PAPPA2: variants seen among roughly 807,000 people sequenced by gnomAD.
PAPPA2 encodes pappalysin-2.
PAPPA2 carries 86 observed loss-of-function variants against 176.4 expected under a neutral mutation model. That is an observed-to-expected ratio of 0.49 (90% confidence interval 0.41 to 0.58). The LOEUF (loss-of-function observed/expected upper bound fraction) is 0.58, where lower values mean the gene tolerates loss of function less well. Among genes scored for constraint, PAPPA2 ranks in the 20% least tolerant of loss-of-function variants. The pLI, the probability that PAPPA2 is intolerant of heterozygous loss-of-function variation, is 0.00. For missense variants in PAPPA2, 2,073 were observed against 2,256.9 expected (o/e 0.92, Z 1.65); for synonymous variants, 809 against 852.2 (o/e 0.95, Z 0.88).
At position 176,493,230 on chromosome 1, in the gene PAPPA2, C is replaced by G. The variant is rs1019958638; in HGVS notation, c.-917+29812C>G. On this transcript the variant is annotated intron_variant, in intron 1 of 22. Coordinates refer to ENST00000367662, the MANE Select transcript of PAPPA2 (RefSeq NM_020318.3). ...TGAAGTAGAGTGAGGGCAGTGATCT[C>G]TTGCTCTTTCCTACTCTGCACCCCT... Among the ~76,000 whole-genome samples, 7 of 152,316 alleles carry G rather than the reference C, an allele frequency of 4.6e-5. No individual in the cohort carries two copies. The East Asian group carries it at 1.3e-3, about 29-fold the overall frequency.
rs1228165708 is a variant in PAPPA2, at chr1:176,464,216, A to G, written c.-917+798A>G. Among the ~76,000 whole-genome samples, 3 of 152,332 alleles carry G rather than the reference A, an allele frequency of 2.0e-5. No individual in the cohort carries two copies. In the East Asian group the frequency reaches 5.8e-4, roughly 29 times the overall value. On this transcript the variant is annotated intron_variant, in intron 1 of 22. Coordinates refer to ENST00000367662, the MANE Select transcript of PAPPA2 (RefSeq NM_020318.3). ...TATGCCTATGACCTCATACTCTCCCATAATTTCTTCTTCTTCTTTTAAAAA... is the reference window on the plus strand; with the variant it reads ...TATGCCTATGACCTCATACTCTCCCGTAATTTCTTCTTCTTCTTTTAAAAA...
intron 9 of PAPPA2, among the ~76,000 whole-genome samples, chr1:176,704,729 A>G (rs1660803983): frequency 6.6e-6 from 1 of 152,228 alleles, no homozygotes; most frequent in Non-Finnish European, 1.5e-5. Flanking sequence ...CTAAATACAG[A>G]TCAAATAGTT....
intron 1 of PAPPA2, among the ~76,000 whole-genome samples, chr1:176,480,182 G>A (rs1441180658): frequency 6.6e-6 from 1 of 152,168 alleles, no homozygotes; most frequent in East Asian, 1.9e-4. Context: ...CTCTCGACCT[G>A]TAACTGGGCC....
chr1:176,558,159 C>G (rs1259878574), intron 2 of PAPPA2, among the ~76,000 whole-genome samples: 2 of 152,092 alleles, frequency 1.3e-5, no homozygotes, highest in Non-Finnish European at 2.9e-5. Context: ...TTTGAATTCC[C>G]CATGACAGAA....
chr1:176,623,735 T>TC (rs1165413296), intron 3 of PAPPA2, among the ~76,000 whole-genome samples: 1 of 129,976 alleles, frequency 7.7e-6, no homozygotes, highest in East Asian at 2.2e-4. Context: ...TCTCTTTCTT[T>TC]CTTTCTCTCT....
rs944408175 is a variant in PAPPA2 at position 176,577,840 on chromosome 1, G to A, written c.920-16684G>A. On this transcript the variant is annotated intron_variant, in intron 2 of 22. Transcript: ENST00000367662. ...TGATTTATGGTCATGACCTAACCTG[G>A]CCCTGTTTTTGCTCATTTTCCTCCT... Among the ~76,000 whole-genome samples, 9 of 152,026 alleles carry A rather than the reference G, an allele frequency of 5.9e-5. No individual in the cohort carries two copies. In the East Asian group the frequency reaches 1.4e-3, roughly 23 times the overall value.
intron 2 of PAPPA2, among the ~76,000 whole-genome samples, chr1:176,569,719 C>A (rs1652206816): frequency 6.6e-6 from 1 of 152,218 alleles, no homozygotes; most frequent in African/African-American, 2.4e-5. Context: ...GCCTTCCTAG[C>A]ACCTAGTGCT....
Position 176,594,781 on chromosome 1 carries a change from G to C in PAPPA2, c.1177G>C (p.Gly393Arg). 1 of 1,614,206 alleles carries C rather than the reference G, an allele frequency of 6.2e-7. No individual in the cohort carries two copies. The highest frequency in any genetic ancestry group is 8.5e-7 in the Non-Finnish European group (1 of 1,180,032). ...GGTGGCTAGCAGTCTAGACCAGTCT[G>C]GTCCCCTGAACAGCCCCTTCATGGC... ...TQVASSLDQSGPLNSPFMASC... is the reference protein window; with the variant it reads ...TQVASSLDQSRPLNSPFMASC... Residue 393 changes from glycine (G) to arginine (R), a missense_variant, in exon 3 of 23, where the codon GGT becomes CGT. By Grantham distance (125) the Gly-to-Arg change is moderately radical. Transcript: ENST00000367662.
chr1:176,686,658 A>G (rs763962134), intron 4 of PAPPA2, among the ~76,000 whole-genome samples: 3 of 152,154 alleles, frequency 2.0e-5, no homozygotes, highest in African/African-American at 7.2e-5. Flanking sequence ...GAGAGATGGG[A>G]GTCTTGAAAC....
intron 3 of PAPPA2, among the ~76,000 whole-genome samples, chr1:176,646,353 A>G (rs1232453927): frequency 2.0e-5 from 3 of 151,400 alleles, no homozygotes; most frequent in Non-Finnish European, 4.4e-5. Context: ...CATAATAATC[A>G]CATCAGGGTT....
chr1:176,739,508 A>G, intron 12 of PAPPA2, 118 bp from the exon 13 acceptor site: 2 of 1,134,884 alleles, frequency 1.8e-6, no homozygotes, highest in Non-Finnish European at 2.4e-6. Flanking sequence ...TTTATAAAAA[A>G]AATGGAAGCT....
At chr1:176,834,233 G>A (rs1258105314) in intron 21 of PAPPA2, among the ~76,000 whole-genome samples, 1 of 152,186 alleles carries the variant, frequency 6.6e-6, no homozygotes, top group Non-Finnish European at 1.5e-5. Flanking sequence ...ATAACTCAGA[G>A]AAGGGACAGC....
intron 1 of PAPPA2, among the ~76,000 whole-genome samples, chr1:176,526,610 C>T (rs1649512114): frequency 6.6e-6 from 1 of 152,208 alleles, no homozygotes; most frequent in East Asian, 1.9e-4. Flanking sequence ...TGAGTTAAGA[C>T]ACTGAGGTTT....
intron 1 of PAPPA2, among the ~76,000 whole-genome samples, chr1:176,514,645 C>A (rs1648803872): frequency 6.6e-6 from 1 of 152,232 alleles, no homozygotes; most frequent in Admixed American, 6.5e-5. Context: ...CTGACAATAA[C>A]ATTTTGACAA....
intron 14 of PAPPA2, among the ~76,000 whole-genome samples, chr1:176,749,387 A>G (rs1370254705): frequency 1.3e-5 from 2 of 152,202 alleles, no homozygotes; most frequent in African/African-American, 4.8e-5. Context: ...CACTCCTGCT[A>G]TCAACATCCC....
chr1:176,824,097 G>C (rs181108655), intron 21 of PAPPA2, among the ~76,000 whole-genome samples: 1 of 152,308 alleles, frequency 6.6e-6, no homozygotes, highest in East Asian at 1.9e-4. Flanking sequence ...AGATGGCAGT[G>C]GTGGATGACA....
rs551832656 is a variant in PAPPA2, at chr1:176,549,543, G to A, written c.-916-5864G>A. Among the ~76,000 whole-genome samples the A allele has an allele frequency of 3.3e-5, 5 of 152,352 alleles. No individual in the cohort carries two copies. In the South Asian group the frequency reaches 1.0e-3, roughly 32 times the overall value. ...GCCCAACGTCAGGCAGCTGTTGAAT[G>A]GCAGAACAGGGGCATAATTGTTTAT... On this transcript the variant is annotated intron_variant, in intron 1 of 22. Transcript: ENST00000367662.
At chr1:176,541,876 A>T (rs1650383594) in intron 1 of PAPPA2, among the ~76,000 whole-genome samples, 1 of 152,228 alleles carries the variant, frequency 6.6e-6, no homozygotes, top group South Asian at 2.1e-4. Flanking sequence ...CACACACCAG[A>T]ATCAGCCTCG....
intron 3 of PAPPA2, among the ~76,000 whole-genome samples, chr1:176,646,696 C>A (rs1314892303): frequency 2.6e-5 from 4 of 151,450 alleles, no homozygotes; most frequent in Non-Finnish European, 5.9e-5. Flanking sequence ...TTTCACTTAA[C>A]ATAATGAAAT....
Sources: allele counts gnomAD v4.1 joint callset (sites outside exome capture counted in the v4.1 genomes callset), GRCh38; gene constraint gnomAD v4.1.1; transcripts MANE v1.5; gene names NCBI Gene and HGNC (gene_info 2026-07-23, HGNC 2026-07-21).